The following TBX21 variants were observed in gnomAD, a reference collection of about 807,000 sequenced individuals.
TBX21 encodes the protein T-box transcription factor TBX21.
Under a neutral mutation model 52.2 loss-of-function variants are expected in TBX21, and 11 were observed. The ratio of observed to expected loss-of-function variants is 0.21; its 90% CI spans 0.13 to 0.35. TBX21 has a LOEUF of 0.35. Among genes scored for constraint, TBX21 ranks in the 10% least tolerant of loss-of-function variants. The pLI is 1.00. For synonymous variants in TBX21, 300 were observed against 316.1 expected (o/e 0.95, Z 0.54); for missense variants, 625 against 755.1 (o/e 0.83, Z 2.02).
In TBX21 at chr17:47,745,419, C is replaced by G; in HGVS notation, c.*53C>G. On this transcript the variant is annotated 3_prime_UTR_variant, in exon 6 of 6. Coordinates refer to ENST00000177694, the MANE Select transcript of TBX21 (RefSeq NM_013351.2). ...ACAGTGTTATTAGGTTGGAGGACAC[C>G]GACTAATTTGGGAAACGGATGAAGG... The G allele has an allele frequency of 2.0e-6, 3 of 1,524,234 alleles. No individual in the cohort carries two copies. The South Asian group carries it at 3.9e-5, about 20-fold the overall frequency. 94.4% of individuals were successfully genotyped at this position (1,524,234 alleles called of 1,614,324 possible). A position where few individuals can be genotyped will look rare whatever the true frequency, so the allele number is the denominator to read the frequency against.
Position 47,733,451 on chromosome 17 carries a change from C to T in TBX21, c.-4C>T, listed in dbSNP as rs1208670236. The stretch of plus-strand genomic sequence containing the variant: ...GGCTACGGGAAGGTGCCAGCCCGCC[C>T]CGGATGGGCATCGTGGAGCCGGGTT... On this transcript the variant is annotated 5_prime_UTR_variant, in exon 1 of 6. Coordinates refer to ENST00000177694, the MANE Select transcript of TBX21 (RefSeq NM_013351.2). This position sits in a 1 kb window ranked among gnomAD's most constrained non-coding sequence, Gnocchi z 6.6. 7.4e-6 allele frequency: 11 copies of T among 1,483,994 alleles called. No individual in the cohort carries two copies. Among genetic ancestry groups the T allele is most frequent in the South Asian group, 1.3e-5 (1 of 78,572 alleles). The allele number at this position is 1,483,994 out of a possible 1,614,324, so 91.9% of individuals were successfully genotyped here.
rs1407622062 is a variant in TBX21 at position 47,745,157 on chromosome 17, G to A, written c.1399G>A (p.Gly467Arg). 4 of 1,614,062 alleles carry A rather than the reference G, an allele frequency of 2.5e-6. No individual in the cohort carries two copies. The highest frequency in any genetic ancestry group is 3.4e-6 in the Non-Finnish European group (4 of 1,180,020). ...EPGPGGSEGRGPEDQGPPLVW... is the reference protein window; with the variant it reads ...EPGPGGSEGRRPEDQGPPLVW... ...CGGCCCTGGAGGCTCAGAGGGACGG[G>A]GACCAGAGGACCAGGGTCCCCCCTT... The change falls in exon 6 of 6, where the codon GGA (glycine) becomes AGA (arginine). Residue 467 changes from glycine to arginine, a missense_variant. Gly to Arg is a moderately radical substitution (Grantham distance 125). This residue lies in a region of TBX21 where 261 missense variants were observed against 275.1 expected (regional missense o/e 0.95). Transcript: ENST00000177694.
At chr17:47,743,231 C>A (rs1477136842) in intron 3 of TBX21, 39 bp downstream of exon 3, 36 of 1,609,508 alleles carry the variant, frequency 2.2e-5, no homozygotes, top group Non-Finnish European at 3.1e-5. Flanking sequence ...CGCCCTGCTC[C>A]CCACCCTGGG....
chr17:47,744,149 G>C (rs149670884), intron 3 of TBX21, 46 bp from the exon 4 acceptor site: 1 of 1,597,308 alleles, frequency 6.3e-7, no homozygotes, highest in Non-Finnish European at 8.5e-7. Flanking sequence ...TGGGATCCTC[G>C]AAATCCTTCC....
In TBX21 at chr17:47,733,627, A is replaced by C. The variant is rs2143417008; in HGVS notation, c.173A>C (p.Tyr58Ser). ...GGGGGCGGCAGCCTGGGGTCTCCCT[A>C]CCCGGGGGGCGCCTTGGTGCCCGCC... is the stretch of plus-strand genomic sequence containing the variant. ...RRGGGSLGSPYPGGALVPAPP... is the reference protein window; with the variant it reads ...RRGGGSLGSPSPGGALVPAPP... Residue 58 changes from tyrosine to serine, a missense_variant, in exon 1 of 6, where the codon TAC becomes TCC. Physicochemically the swap from Tyr to Ser is moderately radical, Grantham distance 144. Around this residue, in one of 4 missense-constraint regions of TBX21, gnomAD observed 221 missense variants for 204.9 expected, o/e 1.08. Transcript: ENST00000177694. The surrounding 1 kb of genome is among the most constrained non-coding windows in gnomAD (Gnocchi z 6.6). 6.9e-7 allele frequency: 1 copy of C among 1,448,238 alleles called. No homozygotes were observed. Among genetic ancestry groups the C allele is most frequent in the Non-Finnish European group, 9.0e-7 (1 of 1,106,116 alleles). The allele number at this position is 1,448,238 out of a possible 1,614,324, so 89.7% of individuals were successfully genotyped here. A position where few individuals can be genotyped will look rare whatever the true frequency, so the allele number is the denominator to read the frequency against.
At chr17:47,740,662 G>A (rs1419334151) in intron 1 of TBX21, among the ~76,000 whole-genome samples, 3 of 152,304 alleles carry the variant, frequency 2.0e-5, no homozygotes, top group East Asian at 3.9e-4. Context: ...CCTGGAAGGT[G>A]GAGGTTAGAG....
At chr17:47,740,739 C>A (rs1475556833) in intron 1 of TBX21, among the ~76,000 whole-genome samples, 1 of 152,124 alleles carries the variant, frequency 6.6e-6, no homozygotes, top group African/African-American at 2.4e-5. Context: ...CAAAAAGAAA[C>A]TGAGATTTGG....
Position 47,733,556 on chromosome 17 carries a change from C to G in TBX21, c.102C>G (p.Arg34=). Residue 34 remains arginine, a synonymous_variant, in exon 1 of 6, where the codon CGC becomes CGG. Coordinates refer to ENST00000177694, the MANE Select transcript of TBX21 (RefSeq NM_013351.2). The surrounding 1 kb of genome is among the most constrained non-coding windows in gnomAD (Gnocchi z 6.6). ...CGCCTGGCGCCGACCCGCAGCACCG[C>G]TACTTCTACCCGGAGCCGGGCGCGC... is the stretch of plus-strand genomic sequence containing the variant. The part of the protein sequence containing the change: ...GRAPGADPQH[R]YFYPEPGAQD... 1.3e-6 allele frequency: 2 copies of G among 1,486,212 alleles called. No homozygotes were observed. The highest frequency in any genetic ancestry group is 1.8e-6 in the Non-Finnish European group (2 of 1,125,256). The allele number at this position is 1,486,212 out of a possible 1,614,324, so 92.1% of individuals were successfully genotyped here. A position where few individuals can be genotyped will look rare whatever the true frequency, so the allele number is the denominator to read the frequency against.
chr17:47,745,235 G>C lies in TBX21; in HGVS notation c.1477G>C (p.Gly493Arg). ...GCCGGAATCCAGTGATTCAGGACTG[G>C]GCGAAGGAGACTCTAAGAGGAGGCG... is the stretch of plus-strand genomic sequence containing the variant. ...IRPESSDSGL[G>R]EGDSKRRRVS... Residue 493 changes from glycine (G) to arginine (R), a missense_variant, in exon 6 of 6, where the codon GGC becomes CGC. Physicochemically the swap from Gly to Arg is moderately radical, Grantham distance 125. Coordinates refer to ENST00000177694, the MANE Select transcript of TBX21 (RefSeq NM_013351.2). 1 of 1,614,232 alleles carries C rather than the reference G, an allele frequency of 6.2e-7. No homozygotes were observed. The highest frequency in any genetic ancestry group is 8.5e-7 in the Non-Finnish European group (1 of 1,180,044).
intron 1 of TBX21, among the ~76,000 whole-genome samples, chr17:47,734,557 GTGTGT>G (rs2032182083): frequency 7.8e-5 from 3 of 38,622 alleles, no homozygotes; most frequent in Admixed American, 2.5e-4. Flanking sequence ...TATGTCTGGT[GTGTGT>G]GTGTGTGTGT....
intron 1 of TBX21, among the ~76,000 whole-genome samples, chr17:47,735,502 C>T (rs747769765): frequency 4.6e-5 from 7 of 152,222 alleles, no homozygotes; most frequent in Non-Finnish European, 1.0e-4. Flanking sequence ...TCCTGTCCCT[C>T]TCACTGCACA....
At position 47,744,985 on chromosome 17, in the gene TBX21, G is replaced by T; in HGVS notation, c.1227G>T (p.Leu409Phe). ...FRAVSMKPAF[L>F]PSAPGPTMSY... The stretch of plus-strand genomic sequence containing the variant: ...CAGTCAGCATGAAGCCTGCATTCTT[G>T]CCCTCTGCCCCTGGGCCCACCATGT... Residue 409 changes from leucine (L) to phenylalanine (F), a missense_variant, in exon 6 of 6, where the codon TTG (leucine) becomes TTT (phenylalanine). This residue lies in a region of TBX21 where 261 missense variants were observed against 275.1 expected (regional missense o/e 0.95). Coordinates refer to ENST00000177694, the MANE Select transcript of TBX21 (RefSeq NM_013351.2). 2.5e-6 allele frequency: 4 copies of T among 1,613,360 alleles called. No homozygotes were observed. The highest frequency in any genetic ancestry group is 3.4e-6 in the Non-Finnish European group (4 of 1,180,022).
chr17:47,744,641 G>T (rs773192680), intron 5 of TBX21, 98 bp downstream of exon 5: 2 of 1,602,490 alleles, frequency 1.2e-6, no homozygotes, highest in African/African-American at 2.7e-5. Context: ...TGCTACAGGT[G>T]GGCAGGCCAG....
At chr17:47,743,539 T>A (rs2032291863) in intron 3 of TBX21, among the ~76,000 whole-genome samples, 1 of 152,086 alleles carries the variant, frequency 6.6e-6, no homozygotes, top group Admixed American at 6.6e-5. Context: ...GGCCCTGTGG[T>A]CCCAGGGAAT....
chr17:47,736,669 G>A (rs1159236219), intron 1 of TBX21, among the ~76,000 whole-genome samples: 1 of 152,020 alleles, frequency 6.6e-6, no homozygotes, highest in Non-Finnish European at 1.5e-5. Flanking sequence ...CTAGCCCCAG[G>A]TTACCTCCAT....
intron 1 of TBX21, among the ~76,000 whole-genome samples, chr17:47,736,322 T>C (rs2032206508): frequency 6.6e-6 from 1 of 152,174 alleles, no homozygotes; most frequent in Non-Finnish European, 1.5e-5. Context: ...GCAACTATAT[T>C]AGTAATATAG....
rs569211391 is a variant in TBX21 at position 47,744,751 on chromosome 17, G to A, written c.993G>A (p.Met331Ile). 2.7e-4 allele frequency: 429 copies of A among 1,612,548 alleles called. 9 individuals are homozygous for A. The South Asian group carries it at 4.4e-3, about 16-fold the overall frequency. Residue 331 changes from methionine (M) to isoleucine (I), a missense_variant, in exon 6 of 6, where the codon ATG (methionine) becomes ATA (isoleucine). Physicochemically the swap from Met to Ile is conservative, Grantham distance 10. This residue lies in a region of TBX21 where 261 missense variants were observed against 275.1 expected (regional missense o/e 0.95). Coordinates refer to ENST00000177694, the MANE Select transcript of TBX21 (RefSeq NM_013351.2). ...CTTGCCTTCTATTTTTTTCTAGCAT[G>A]TACACATCTGTTGACACCAGCATCC... ...AKGFRENFES[M>I]YTSVDTSIPS...
intron 1 of TBX21, among the ~76,000 whole-genome samples, chr17:47,734,966 T>C (rs1385817507): frequency 6.6e-6 from 1 of 151,922 alleles, no homozygotes; most frequent in East Asian, 1.9e-4. Context: ...ACTTGTGTGG[T>C]ATTTGTTTAG....
chr17:47,743,289 A>AT (rs1022187720), intron 3 of TBX21, 97 bp downstream of exon 3: 8 of 1,492,864 alleles, frequency 5.4e-6, no homozygotes, highest in African/African-American at 2.8e-5. Context: ...AGTTTGGTTC[A>AT]TTTTTTCTTC....
Sources: gnomAD v4.1 joint callset for allele counts (sites outside exome capture counted in the v4.1 genomes callset) on GRCh38, gnomAD v4.1.1 for gene constraint, gnomAD v4.1.1 regional missense constraint, Gnocchi (gnomAD v3.1) non-coding constraint, MANE v1.5 for transcripts, NCBI Gene and HGNC (gene_info 2026-07-23, HGNC 2026-07-21) for gene names.